SMCHD1: variants seen among roughly 807,000 people sequenced by gnomAD.
SMCHD1 encodes structural maintenance of chromosomes flexible hinge domain-containing protein 1.
In SMCHD1, 78 loss-of-function variants were observed where a neutral mutation model predicts 254.7. The ratio of observed to expected loss-of-function variants is 0.31; its 90% CI spans 0.26 to 0.37. The LOEUF is 0.37. Ranked by LOEUF, SMCHD1 falls within the 10% of genes least tolerant of loss-of-function variation. The pLI, the probability that SMCHD1 is intolerant of heterozygous loss-of-function variation, is 1.00. For synonymous variants in SMCHD1, 766 were observed against 794.9 expected, an observed-to-expected ratio of 0.96 and a Z score of 0.61; for missense variants, 1,840 against 2,408.1, an observed-to-expected ratio of 0.76 and a Z score of 4.94.
At chr18:2,768,877 CTGAT>C (rs1452250686) in intron 37 of SMCHD1, among the ~76,000 whole-genome samples, 1 of 130,382 alleles carries the variant, frequency 7.7e-6, no homozygotes, top group Non-Finnish European at 1.9e-5. Context: ...CATTCAGAAA[CTGAT>C]TGGCAGTTGG....
At chr18:2,739,634 T>C (rs982564867) in intron 27 of SMCHD1, 114 bp downstream of exon 27, 3 of 705,368 alleles carry the variant, frequency 4.3e-6, no homozygotes, top group Non-Finnish European at 7.1e-6. Flanking sequence ...TCATATAATG[T>C]TACTGATATA....
intron 7 of SMCHD1, among the ~76,000 whole-genome samples, chr18:2,693,693 G>C (rs754736743): frequency 6.6e-6 from 1 of 152,058 alleles, no homozygotes; most frequent in East Asian, 1.9e-4. Flanking sequence ...GTGCAGTGGC[G>C]CGATCTTGGC....
At chr18:2,800,789 T>C (rs532524169) in intron 47 of SMCHD1, 1 of 152,204 alleles carries the variant, frequency 6.6e-6, no homozygotes, top group Non-Finnish European at 1.5e-5. Context: ...CAGCTAGCAA[T>C]GTAATCCTCT....
rs1401879558 is a variant in SMCHD1, at chr18:2,701,686, TACA to T, written c.1647+773_1647+775del. ...GTATTAAAATACATGTATTGATTAA[TACA>T]ACAAGAATGATTTCACTTTGAAATT... On this transcript the variant is annotated intron_variant, in intron 12 of 47. Transcript: ENST00000320876. Among the ~76,000 whole-genome samples the T allele has an allele frequency of 5.9e-5, 9 of 152,320 alleles. 1 individual carries two copies. In the South Asian group the frequency reaches 1.7e-3, roughly 28 times the overall value.
chr18:2,726,398 T>G, intron 21 of SMCHD1, 54 bp from the exon 22 acceptor site: 1 of 919,450 alleles, frequency 1.1e-6, no homozygotes, highest in Admixed American at 2.9e-5. Context: ...TGTGATAAAC[T>G]ACTTAAGTAT....
chr18:2,769,785 T>C lies in SMCHD1; in HGVS notation c.4811T>C (p.Leu1604Ser). Residue 1604 changes from leucine to serine, a missense_variant, in exon 38 of 48, where the codon TTA becomes TCA. Coordinates refer to ENST00000320876, the MANE Select transcript of SMCHD1 (RefSeq NM_015295.3). ...CGGCTACCACTTTTATCAAGAACCTTAGAACCATATATCCTACCGTTCATG... is the reference window on the plus strand; with the variant it reads ...CGGCTACCACTTTTATCAAGAACCTCAGAACCATATATCCTACCGTTCATG... The part of the protein sequence containing the change: ...EPRLPLLSRT[L>S]EPYILPFMFY... 1 of 1,605,116 alleles carries C rather than the reference T, an allele frequency of 6.2e-7. No individual in the cohort carries two copies. Among genetic ancestry groups the C allele is most frequent in the Non-Finnish European group, 8.5e-7 (1 of 1,174,800 alleles).
chr18:2,764,612 G>A (rs190090948), intron 37 of SMCHD1, among the ~76,000 whole-genome samples: 1 of 152,152 alleles, frequency 6.6e-6, no homozygotes, highest in Non-Finnish European at 1.5e-5. Context: ...AATTTCATCT[G>A]TACTGAATAC....
In SMCHD1 at chr18:2,747,623, T is replaced by C. The variant is rs776818007; in HGVS notation, c.3903T>C (p.Ser1301=). ...NPAPVQHVKI[S]LTKASNLKLM... ...CACCGGTACAACATGTTAAAATAAG[T>C]CTTACAAAAGCTAGCAATTTAAAGG... Residue 1301 remains serine (S), a synonymous_variant, in exon 30 of 48, where the codon AGT becomes AGC. Transcript: ENST00000320876. 12 of 1,598,684 alleles carry C rather than the reference T, an allele frequency of 7.5e-6. No homozygotes were observed. The highest frequency in any genetic ancestry group is 1.7e-6 in the Non-Finnish European group (2 of 1,171,862).
intron 17 of SMCHD1, among the ~76,000 whole-genome samples, chr18:2,714,891 G>T (rs10775431): frequency 0.5 from 75,384 of 151,716 alleles, 19,509 homozygotes; most frequent in East Asian, 0.81. Flanking sequence ...ATCCTACAGA[G>T]GGAGCAGGAC....
chr18:2,712,323 T>G (rs913694582), intron 17 of SMCHD1, among the ~76,000 whole-genome samples: 10 of 152,070 alleles, frequency 6.6e-5, no homozygotes, highest in African/African-American at 2.4e-4. Context: ...CTCTCCTCTT[T>G]AAGTTTTTGG....
Position 2,769,684 on chromosome 18 carries a change from A to G in SMCHD1, c.4720-10A>G, listed in dbSNP as rs922378793. On this transcript the variant is annotated splice_polypyrimidine_tract_variant and intron_variant, in intron 37 of 47. Coordinates refer to ENST00000320876, the MANE Select transcript of SMCHD1 (RefSeq NM_015295.3). ...TCTTGTTTTCCCCTATTGTTTGTTTATATGTACAGAGTCTGGTGCTGGCAG... is the reference window on the plus strand; with the variant it reads ...TCTTGTTTTCCCCTATTGTTTGTTTGTATGTACAGAGTCTGGTGCTGGCAG... 4.4e-6 allele frequency: 7 copies of G among 1,589,474 alleles called. No individual in the cohort carries two copies. Among genetic ancestry groups the G allele is most frequent in the Middle Eastern group, 1.7e-4 (1 of 6,028 alleles).
chr18:2,656,248 C>A lies in SMCHD1; in HGVS notation c.173C>A (p.Ala58Glu). Residue 58 changes from alanine to glutamate, a missense_variant, in exon 1 of 48, where the codon GCG (alanine) becomes GAG (glutamate). Coordinates refer to ENST00000320876, the MANE Select transcript of SMCHD1 (RefSeq NM_015295.3). ...CGCTCGGACTACGCGGGATTTCGCG[C>A]GTGTGTGTGTCAGGTACGCGAAGGG... The part of the protein sequence containing the change: ...GERSDYAGFR[A>E]CVCQTLGISP... 1 of 1,501,674 alleles carries A rather than the reference C, an allele frequency of 6.7e-7. No individual in the cohort carries two copies. The highest frequency in any genetic ancestry group is 8.8e-7 in the Non-Finnish European group (1 of 1,135,324). The allele number at this position is 1,501,674 out of a possible 1,614,324, so 93.0% of individuals were successfully genotyped here. A position where few individuals can be genotyped will look rare whatever the true frequency, so the allele number is the denominator to read the frequency against.
chr18:2,763,586 G>A (rs1888892197), intron 36 of SMCHD1, 51 bp from the exon 37 acceptor site: 1 of 1,403,190 alleles, frequency 7.1e-7, no homozygotes, highest in African/African-American at 1.5e-5. Flanking sequence ...TCTTCTCTGG[G>A]TTTAATCTTC....
rs564134756 is a variant in SMCHD1, at chr18:2,756,603, C to G, written c.4347-4049C>G. ...TGATATCTTGTAATTATCAAACTAT[C>G]TTTTTTTTCTGAGACAGAGTCTCGC... On this transcript the variant is annotated intron_variant, in intron 34 of 47. Transcript: ENST00000320876. 5.7e-4 allele frequency among the ~76,000 whole-genome samples: 86 copies of G among 151,970 alleles called. 1 individual carries two copies. The highest frequency in any genetic ancestry group is 1.9e-3 in the African/African-American group (78 of 41,446).
At position 2,732,370 on chromosome 18, in the gene SMCHD1, A is replaced by T. The variant is rs1337282204; in HGVS notation, c.3154A>T (p.Ile1052Phe). The change falls in exon 25 of 48, where the codon ATC becomes TTC. Residue 1052 changes from isoleucine (I) to phenylalanine (F), a missense_variant. Coordinates refer to ENST00000320876, the MANE Select transcript of SMCHD1 (RefSeq NM_015295.3). ...FSVEGQKAIQ[I>F]KHQDEVNWIA... ...TGTAGAAGGACAAAAGGCAATTCAG[A>T]TCAAACATCAGGATGAGGTTAATTG... 1.9e-6 allele frequency: 3 copies of T among 1,613,748 alleles called. No homozygotes were observed. The Admixed American group carries it at 5.0e-5, about 27-fold the overall frequency.
intron 25 of SMCHD1, among the ~76,000 whole-genome samples, chr18:2,733,314 G>A (rs1443974264): frequency 1.3e-5 from 2 of 152,198 alleles, no homozygotes; most frequent in East Asian, 1.9e-4. Context: ...TCAGTAACCC[G>A]TTAAGAGAAC....
In SMCHD1 at chr18:2,751,363, G is replaced by A. The variant is rs776900000; in HGVS notation, c.4251G>A (p.Leu1417=). The change falls in exon 33 of 48, where the codon CTG becomes CTA. Residue 1417 remains leucine, a synonymous_variant. Coordinates refer to ENST00000320876, the MANE Select transcript of SMCHD1 (RefSeq NM_015295.3). Reference sequence around the variant, plus strand: ...GTATTTCCATGAAAATGTGGAAGCTGTCTACCAGTGGGAACCGACCCCCAG... The same window carrying A: ...GTATTTCCATGAAAATGTGGAAGCTATCTACCAGTGGGAACCGACCCCCAG... ...PARISMKMWK[L]STSGNRPPAN... is the part of the protein sequence containing the mutation. 6 of 1,576,374 alleles carry A rather than the reference G, an allele frequency of 3.8e-6. No homozygotes were observed. Among genetic ancestry groups the A allele is most frequent in the Non-Finnish European group, 5.1e-6 (6 of 1,167,028 alleles).
At chr18:2,706,636 A>G (rs1313292288) in intron 15 of SMCHD1, 166 bp downstream of exon 15, 14 of 449,082 alleles carry the variant, frequency 3.1e-5, no homozygotes, top group Non-Finnish European at 4.4e-5. Flanking sequence ...AGGTCTAGTT[A>G]TACAAACAGA....
intron 5 of SMCHD1, 83 bp from the exon 6 acceptor site, chr18:2,688,310 TA>T: frequency 1.1e-6 from 1 of 933,172 alleles, no homozygotes; most frequent in South Asian, 1.4e-5. Context: ...ATCATTTTAT[TA>T]ACACTGAATA....
Sources: allele counts gnomAD v4.1 joint callset (sites outside exome capture counted in the v4.1 genomes callset), GRCh38; gene constraint gnomAD v4.1.1; transcripts MANE v1.5; gene names NCBI Gene and HGNC (gene_info 2026-07-23, HGNC 2026-07-21).